Variants in CAP2 observed in about 807,000 individuals in gnomAD.
CAP2 encodes cyclase associated actin cytoskeleton regulatory protein 2.
Under a neutral mutation model 57.7 loss-of-function variants are expected in CAP2, and 24 were observed. The observed-to-expected ratio is 0.42, with a 90% CI of 0.30 to 0.58. CAP2 has a LOEUF of 0.58. Ranked by LOEUF, CAP2 falls within the 20% of genes least tolerant of loss-of-function variation. The probability of loss-of-function intolerance (pLI) is 0.22; values close to 1 mark genes in which losing one functional copy is unlikely to be tolerated. For missense variants in CAP2, 501 were observed against 590.3 expected, an observed-to-expected ratio of 0.85 and a Z score of 1.57; for synonymous variants, 194 against 207.2, an observed-to-expected ratio of 0.94 and a Z score of 0.55.
chr6:17,507,422 C>A, intron 5 of CAP2, 110 bp downstream of exon 5: 1 of 1,202,404 alleles, frequency 8.3e-7, no homozygotes, highest in Admixed American at 2.1e-5. Context: ...AAGCTTCTTC[C>A]TGGGCTGAAT....
At chr6:17,507,535 T>C in intron 5 of CAP2, 106 bp from the exon 6 acceptor site, 1 of 822,840 alleles carries the variant, frequency 1.2e-6, no homozygotes, top group Non-Finnish European at 2.1e-6. Context: ...TGCCTCCCAC[T>C]TTCAAGTCCA....
chr6:17,412,474 G>T (rs1485200710), intron 1 of CAP2, among the ~76,000 whole-genome samples: 1 of 152,216 alleles, frequency 6.6e-6, no homozygotes, highest in Non-Finnish European at 1.5e-5. Flanking sequence ...CCAGAATCAC[G>T]TGGGTTGTCA....
At chr6:17,497,729 T>G (rs1761703939) in intron 4 of CAP2, among the ~76,000 whole-genome samples, 1 of 152,214 alleles carries the variant, frequency 6.6e-6, no homozygotes, top group Non-Finnish European at 1.5e-5. Flanking sequence ...TATTCATTAG[T>G]TGGCTGCACA....
At chr6:17,465,552 C>A (rs370143670) in intron 4 of CAP2, among the ~76,000 whole-genome samples, 1 of 152,104 alleles carries the variant, frequency 6.6e-6, no homozygotes, top group Non-Finnish European at 1.5e-5. Flanking sequence ...TTCAGAACAC[C>A]GTCCTACTAC....
At chr6:17,505,554 G>C (rs1050831014) in intron 4 of CAP2, among the ~76,000 whole-genome samples, 7 of 152,326 alleles carry the variant, frequency 4.6e-5, no homozygotes, top group African/African-American at 1.7e-4. Context: ...CTAATATGTA[G>C]CCAAGGCTGG....
intron 7 of CAP2, among the ~76,000 whole-genome samples, chr6:17,526,448 G>A (rs570473477): frequency 6.6e-6 from 1 of 151,984 alleles, no homozygotes; most frequent in Non-Finnish European, 1.5e-5. Context: ...TCCAGTGATA[G>A]GAATGGAATG....
intron 3 of CAP2, among the ~76,000 whole-genome samples, chr6:17,443,419 G>A (rs913145163): frequency 1.3e-5 from 2 of 152,010 alleles, no homozygotes; most frequent in African/African-American, 4.8e-5. Flanking sequence ...GAAATTTGTT[G>A]TTGTTTTCTA....
chr6:17,396,671 T>C (rs1181307234), intron 1 of CAP2, among the ~76,000 whole-genome samples: 2 of 152,086 alleles, frequency 1.3e-5, no homozygotes, highest in Non-Finnish European at 2.9e-5. Flanking sequence ...AGTAGGGAAG[T>C]GATAGATAAA....
intron 4 of CAP2, among the ~76,000 whole-genome samples, chr6:17,475,864 G>T (rs976312812): frequency 6.6e-6 from 1 of 152,214 alleles, no homozygotes; most frequent in Admixed American, 6.5e-5. Flanking sequence ...AAACTGCAGC[G>T]CAGAAGAACT....
intron 1 of CAP2, among the ~76,000 whole-genome samples, chr6:17,399,779 T>C (rs1328908032): frequency 6.6e-6 from 1 of 152,212 alleles, no homozygotes; most frequent in Admixed American, 6.5e-5. Flanking sequence ...AAGTCTGATC[T>C]AAAATCTCTT....
intron 1 of CAP2, among the ~76,000 whole-genome samples, chr6:17,403,257 A>G (rs888612848): frequency 9.2e-5 from 14 of 152,254 alleles, no homozygotes; most frequent in Admixed American, 9.2e-4. Flanking sequence ...GCGAGCCACC[A>G]TGCCCGGCTA....
chr6:17,444,438 ACCAT>A (rs911372470), intron 3 of CAP2, among the ~76,000 whole-genome samples: 1 of 152,036 alleles, frequency 6.6e-6, no homozygotes, highest in African/African-American at 2.4e-5. Flanking sequence ...AGAGATAGAG[ACCAT>A]CCTGGCCAAC....
chr6:17,428,609 C>T (rs1166182159), intron 3 of CAP2, among the ~76,000 whole-genome samples: 1 of 125,634 alleles, frequency 8.0e-6, no homozygotes, highest in African/African-American at 3.1e-5. Flanking sequence ...GAATATCACA[C>T]TCTGGGGACT....
chr6:17,463,918 G>T (rs972013082), intron 4 of CAP2, among the ~76,000 whole-genome samples: 1 of 152,152 alleles, frequency 6.6e-6, no homozygotes. Context: ...TTAATCTATT[G>T]TAAAATTACC....
chr6:17,511,133 T>TG (rs1762135748), intron 6 of CAP2, among the ~76,000 whole-genome samples: 1 of 152,196 alleles, frequency 6.6e-6, no homozygotes, highest in Non-Finnish European at 1.5e-5. Context: ...GCCGAAGAAA[T>TG]GCAGCTGGAA....
chr6:17,414,420 A>G (rs887666224), intron 1 of CAP2, among the ~76,000 whole-genome samples: 1 of 152,032 alleles, frequency 6.6e-6, no homozygotes, highest in African/African-American at 2.4e-5. Flanking sequence ...CCATCCCCCA[A>G]TAGGCCCTGG....
intron 7 of CAP2, among the ~76,000 whole-genome samples, chr6:17,520,753 A>C (rs1045679460): frequency 1.3e-5 from 2 of 152,194 alleles, no homozygotes; most frequent in Non-Finnish European, 2.9e-5. Context: ...ATTAACTATG[A>C]ATATGTATGC....
intron 1 of CAP2, among the ~76,000 whole-genome samples, chr6:17,419,547 C>T (rs1759376343): frequency 6.6e-6 from 1 of 152,196 alleles, no homozygotes; most frequent in African/African-American, 2.4e-5. Context: ...TTTCATTCCT[C>T]AGAGGTTGCC....
At chr6:17,408,305 G>A (rs1014851107) in intron 1 of CAP2, among the ~76,000 whole-genome samples, 1 of 152,156 alleles carries the variant, frequency 6.6e-6, no homozygotes, top group Non-Finnish European at 1.5e-5. Context: ...GAGGAGAGGT[G>A]CCAGGCTCAT....
Sources: gnomAD v4.1 joint callset for allele counts (sites outside exome capture counted in the v4.1 genomes callset) on GRCh38, gnomAD v4.1.1 for gene constraint, MANE v1.5 for transcripts, NCBI Gene and HGNC (gene_info 2026-07-23, HGNC 2026-07-21) for gene names.